Variants in HECTD4 observed in about 807,000 individuals in gnomAD.
The protein encoded by HECTD4 is HECT domain E3 ubiquitin protein ligase 4, also known as probable E3 ubiquitin-protein ligase HECTD4.
HECTD4 carries 114 observed loss-of-function variants against 471.5 expected under a neutral mutation model. The ratio of observed to expected loss-of-function variants is 0.24; its 90% confidence interval spans 0.21 to 0.28. HECTD4 has a LOEUF of 0.28. HECTD4 is among the 10% of genes least tolerant of loss of function. The probability of loss-of-function intolerance (pLI) is 1.00; values close to 1 mark genes in which losing one functional copy is unlikely to be tolerated. For missense variants in HECTD4, 3,866 were observed against 5,651.5 expected (o/e 0.68, Z 10.13); for synonymous variants, 2,012 against 2,256.0 (o/e 0.89, Z 3.07).
At chr12:112,303,875 G>T (rs199736745) in intron 7 of HECTD4, among the ~76,000 whole-genome samples, 1 of 103,876 alleles carries the variant, frequency 9.6e-6, no homozygotes, top group Non-Finnish European at 2.0e-5. Context: ...AAAAAAAAAA[G>T]AAAAAAAAAA....
At position 112,163,786 on chromosome 12, in the gene HECTD4, G is replaced by A. The variant is rs1368493137; in HGVS notation, c.12702-49C>T. The A allele has an allele frequency of 7.2e-7, 1 of 1,394,132 alleles. No individual in the cohort carries two copies. The highest frequency in any genetic ancestry group is 9.4e-7 in the Non-Finnish European group (1 of 1,064,086). 86.4% of individuals were successfully genotyped at this position (1,394,132 alleles called of 1,614,324 possible). On this transcript the variant is annotated intron_variant, in intron 73 of 75. Coordinates refer to ENST00000682272, the MANE Select transcript of HECTD4 (RefSeq NM_001388303.1). The surrounding 1 kb of genome is among the most constrained non-coding windows in gnomAD (Gnocchi z 8.2). ...GAGGGAGAACACCGCCGAAGAGGCT[G>A]GGTCTGGGGGCCACACCCACTCAGC...
At chr12:112,223,585 A>G (rs374943191) in intron 44 of HECTD4, among the ~76,000 whole-genome samples, 3 of 152,062 alleles carry the variant, frequency 2.0e-5, no homozygotes, top group African/African-American at 7.2e-5. Context: ...ATATCTGGCT[A>G]ATTTTTGTAT....
rs1255478313 is a variant in HECTD4 at position 112,369,925 on chromosome 12, A to G, written c.177+12027T>C. The stretch of plus-strand genomic sequence containing the variant: ...CAAAATACCCATCGTGCTCAACTGA[A>G]TAATGGCGTCCACCAAAATGTCCAC... On this transcript the variant is annotated intron_variant, in intron 1 of 75. Transcript: ENST00000682272. Among the ~76,000 whole-genome samples the G allele has an allele frequency of 2.0e-5, 3 of 152,324 alleles. No homozygotes were observed. In the East Asian group the frequency reaches 5.8e-4, roughly 29 times the overall value.
chr12:112,272,642 C>T (rs1161885028), intron 11 of HECTD4, among the ~76,000 whole-genome samples: 2 of 152,194 alleles, frequency 1.3e-5, no homozygotes, highest in East Asian at 3.9e-4. Context: ...TCTTAGGCCT[C>T]TTCTGTGTAG....
At chr12:112,169,326 G>A (rs182293146) in intron 70 of HECTD4, among the ~76,000 whole-genome samples, 177 bp downstream of exon 70, 173 of 152,246 alleles carry the variant, frequency 1.1e-3, no homozygotes, top group African/African-American at 3.9e-3. Flanking sequence ...GCTTCCACAG[G>A]GGGCTGGTCT....
chr12:112,366,919 A>C (rs1388530780), intron 1 of HECTD4, among the ~76,000 whole-genome samples: 1 of 150,836 alleles, frequency 6.6e-6, no homozygotes, highest in Non-Finnish European at 1.5e-5. Flanking sequence ...AAAAGAAAAA[A>C]TTGCTTGTTA....
At chr12:112,221,792 T>A (rs536310526) in intron 44 of HECTD4, among the ~76,000 whole-genome samples, 134 of 151,744 alleles carry the variant, frequency 8.8e-4, no homozygotes, top group African/African-American at 3.2e-3. Context: ...TCTCGCTCTG[T>A]CAACCAGGCT....
In HECTD4 at chr12:112,232,901, G is replaced by A. The variant is rs931956094; in HGVS notation, c.5997+103C>T. On this transcript the variant is annotated intron_variant, in intron 38 of 75. Transcript: ENST00000682272. ...AATTTCTCACCTTGCCTCTTCGTTG[G>A]AACTTGAACTAATTTTTTGTTTTCT... The A allele has an allele frequency of 7.9e-6, 8 of 1,017,890 alleles. No homozygotes were observed. The African/African-American group carries it at 8.0e-5, about 10-fold the overall frequency. 63.1% of individuals were successfully genotyped at this position (1,017,890 alleles called of 1,614,324 possible). A position where few individuals can be genotyped will look rare whatever the true frequency, so the allele number is the denominator to read the frequency against.
chr12:112,241,702 C>T (rs1342334649), intron 32 of HECTD4, among the ~76,000 whole-genome samples: 2 of 152,176 alleles, frequency 1.3e-5, no homozygotes, highest in East Asian at 3.8e-4. Flanking sequence ...TCAAGTGATC[C>T]TCCTGCTTTG....
chr12:112,264,907 G>A (rs1044536680), intron 16 of HECTD4, among the ~76,000 whole-genome samples: 7 of 152,150 alleles, frequency 4.6e-5, no homozygotes, highest in African/African-American at 1.7e-4. Flanking sequence ...TGGGATTACC[G>A]ATGTGTACCA....
chr12:112,349,081 T>C (rs1292850910), intron 1 of HECTD4, among the ~76,000 whole-genome samples: 1 of 152,110 alleles, frequency 6.6e-6, no homozygotes, highest in African/African-American at 2.4e-5. Flanking sequence ...AAAATATTTT[T>C]ACTACTTTTA....
At chr12:112,292,193 C>T (rs2135659836) in intron 7 of HECTD4, among the ~76,000 whole-genome samples, 1 of 152,316 alleles carries the variant, frequency 6.6e-6, no homozygotes, top group Middle Eastern at 3.4e-3. Flanking sequence ...ACACAGACTT[C>T]TTGTTGTTCT....
intron 62 of HECTD4, among the ~76,000 whole-genome samples, chr12:112,180,285 C>T (rs946472028): frequency 6.6e-6 from 1 of 152,216 alleles, no homozygotes; most frequent in African/African-American, 2.4e-5. Context: ...CGGTAGCTCA[C>T]ACCTGTAATC....
At chr12:112,307,502 G>T (rs1273078472) in intron 6 of HECTD4, among the ~76,000 whole-genome samples, 1 of 152,172 alleles carries the variant, frequency 6.6e-6, no homozygotes, top group Non-Finnish European at 1.5e-5. Context: ...TTTAACATCT[G>T]TTTAACTACC....
intron 7 of HECTD4, among the ~76,000 whole-genome samples, chr12:112,285,352 T>C (rs1309660898): frequency 6.6e-6 from 1 of 152,168 alleles, no homozygotes; most frequent in Non-Finnish European, 1.5e-5. Context: ...TTCCAGAGAC[T>C]GGCTCTTTCC....
intron 72 of HECTD4, chr12:112,167,001 A>G (rs936386117): frequency 3.8e-6 from 1 of 265,976 alleles, no homozygotes. Flanking sequence ...CTTCACCCCT[A>G]CAGCTGTTCT....
intron 55 of HECTD4, among the ~76,000 whole-genome samples, chr12:112,200,433 C>A (rs943376304): frequency 6.6e-6 from 1 of 152,156 alleles, no homozygotes. Flanking sequence ...GGATTACAGG[C>A]GTGAGCTACC....
intron 39 of HECTD4, 31 bp from the exon 40 acceptor site, chr12:112,230,853 G>T: frequency 6.3e-7 from 1 of 1,597,532 alleles, no homozygotes; most frequent in East Asian, 2.3e-5. Flanking sequence ...AAGTGTCAGT[G>T]CCCAGTGATG....
At chr12:112,309,705 G>A (rs1347685090) in intron 4 of HECTD4, 36 bp from the exon 5 acceptor site, 3 of 972,800 alleles carry the variant, frequency 3.1e-6, no homozygotes, top group Admixed American at 5.0e-5. Flanking sequence ...TTATATATAT[G>A]TTTTTTCTAT....
Sources: allele counts gnomAD v4.1 joint callset (sites outside exome capture counted in the v4.1 genomes callset), GRCh38; gene constraint gnomAD v4.1.1; non-coding constraint Gnocchi (gnomAD v3.1); transcripts MANE v1.5; gene names NCBI Gene and HGNC (gene_info 2026-07-23, HGNC 2026-07-21).